Variants in DLG2 observed in about 807,000 individuals in gnomAD.
The protein encoded by DLG2 is disks large homolog 2.
A neutral mutation model predicts 132.5 loss-of-function variants in DLG2; 45 were observed. The observed-to-expected ratio is 0.34, with a 90% CI of 0.27 to 0.44. DLG2 has a LOEUF of 0.44. Among genes scored for constraint, DLG2 ranks in the 20% least tolerant of loss-of-function variants. The probability of loss-of-function intolerance (pLI) is 1.00; values close to 1 mark genes in which losing one functional copy is unlikely to be tolerated. For synonymous variants in DLG2, 424 were observed against 419.6 expected (o/e 1.01, Z -0.13); for missense variants, 1,045 against 1,196.9 (o/e 0.87, Z 1.87).
intron 18 of DLG2, among the ~76,000 whole-genome samples, chr11:83,655,986 G>T (rs2072293813): frequency 6.6e-6 from 1 of 152,234 alleles, no homozygotes; most frequent in Non-Finnish European, 1.5e-5. Context: ...TTCTGCAGGT[G>T]CAACTTGAGC....
At chr11:84,521,876 T>C (rs2099302556) in intron 7 of DLG2, among the ~76,000 whole-genome samples, 1 of 152,148 alleles carries the variant, frequency 6.6e-6, no homozygotes, top group East Asian at 1.9e-4. Flanking sequence ...TTAAATTTCT[T>C]TGGGCTGGGC....
intron 7 of DLG2, among the ~76,000 whole-genome samples, chr11:84,533,361 T>A (rs775052193): frequency 1.3e-5 from 2 of 152,194 alleles, no homozygotes; most frequent in Non-Finnish European, 2.9e-5. Flanking sequence ...TTAAACATAC[T>A]CATTTCCACC....
At position 83,770,255 on chromosome 11, in the gene DLG2, G is replaced by GTTTT. The variant is rs143065797; in HGVS notation, c.1825+16431_1825+16434dup. Among the ~76,000 whole-genome samples, 11 of 109,912 alleles carry GTTTT rather than the reference G, an allele frequency of 1.0e-4. 1 individual carries two copies. The highest frequency in any genetic ancestry group is 4.1e-4 in the African/African-American group (10 of 24,412). 72.1% of individuals were successfully genotyped at this position (109,912 alleles called of 152,430 possible). A position where few individuals can be genotyped will look rare whatever the true frequency, so the allele number is the denominator to read the frequency against. On this transcript the variant is annotated intron_variant, in intron 18 of 27. Transcript: ENST00000376104. ...TACCTTTTGTCTCGTGGTGTCTGGTGTTTTTTTTTGTTTTTTTGCTTTTTG... is the reference window on the plus strand; with the variant it reads ...TACCTTTTGTCTCGTGGTGTCTGGTGTTTTTTTTTTTTTGTTTTTTTGCTTTTTG...
intron 6 of DLG2, among the ~76,000 whole-genome samples, chr11:84,559,184 C>T (rs929060634): frequency 3.9e-5 from 6 of 151,920 alleles, no homozygotes; most frequent in Non-Finnish European, 8.8e-5. Flanking sequence ...ATGTAGAGTA[C>T]CCAACAAAGT....
At chr11:83,750,634 A>C (rs1393376514) in intron 18 of DLG2, among the ~76,000 whole-genome samples, 1 of 152,220 alleles carries the variant, frequency 6.6e-6, no homozygotes, top group African/African-American at 2.4e-5. Context: ...TTATAGATAT[A>C]TGAAATAAAT....
chr11:84,961,220 T>C (rs1381014440), intron 6 of DLG2, among the ~76,000 whole-genome samples: 1 of 151,738 alleles, frequency 6.6e-6, no homozygotes, highest in Non-Finnish European at 1.5e-5. Context: ...AGCATGGGTC[T>C]TTGAACTGAA....
At chr11:84,671,383 G>T (rs1426593992) in intron 6 of DLG2, among the ~76,000 whole-genome samples, 1 of 152,050 alleles carries the variant, frequency 6.6e-6, no homozygotes, top group Non-Finnish European at 1.5e-5. Context: ...AATTACAAGT[G>T]TGAGCCATTG....
chr11:84,409,014 A>C (rs182970560), intron 7 of DLG2, among the ~76,000 whole-genome samples: 3 of 152,176 alleles, frequency 2.0e-5, no homozygotes, highest in Admixed American at 1.3e-4. Flanking sequence ...CCGATGACTC[A>C]CCATTTACAA....
At chr11:84,933,700 C>T (rs1436744518) in intron 6 of DLG2, among the ~76,000 whole-genome samples, 1 of 152,164 alleles carries the variant, frequency 6.6e-6, no homozygotes, top group Non-Finnish European at 1.5e-5. Context: ...GTGATTTTTG[C>T]ACATTCATGT....
chr11:83,810,292 T>C (rs1168119028), intron 17 of DLG2, among the ~76,000 whole-genome samples: 1 of 152,128 alleles, frequency 6.6e-6, no homozygotes, highest in African/African-American at 2.4e-5. Context: ...TATCAAATGC[T>C]GTGTGCAATA....
At chr11:84,282,696 G>C (rs978173718) in intron 7 of DLG2, among the ~76,000 whole-genome samples, 1 of 152,142 alleles carries the variant, frequency 6.6e-6, no homozygotes, top group Non-Finnish European at 1.5e-5. Context: ...CAGCAGGAAG[G>C]GAGGCAGAGG....
chr11:84,979,804 A>T (rs1001669436), intron 6 of DLG2, among the ~76,000 whole-genome samples: 1 of 152,052 alleles, frequency 6.6e-6, no homozygotes, highest in Non-Finnish European at 1.5e-5. Context: ...TTAAAGTATA[A>T]TCATTAACAA....
chr11:83,931,200 T>A (rs1023330126), intron 14 of DLG2, among the ~76,000 whole-genome samples: 1 of 152,236 alleles, frequency 6.6e-6, no homozygotes, highest in South Asian at 2.1e-4. Context: ...ACATAGGAAA[T>A]GTAAAGAATG....
intron 6 of DLG2, among the ~76,000 whole-genome samples, chr11:84,606,268 G>A (rs2099585429): frequency 1.3e-5 from 2 of 152,050 alleles, no homozygotes; most frequent in African/African-American, 4.8e-5. Flanking sequence ...TTAGGGAAGT[G>A]GATAAACCGC....
At chr11:84,884,853 G>T (rs531527353) in intron 6 of DLG2, among the ~76,000 whole-genome samples, 1 of 152,160 alleles carries the variant, frequency 6.6e-6, no homozygotes, top group South Asian at 2.1e-4. Flanking sequence ...TTTACATTGT[G>T]TGCCTTTTGA....
chr11:84,954,010 G>A (rs566918361), intron 6 of DLG2, among the ~76,000 whole-genome samples: 63 of 151,906 alleles, frequency 4.1e-4, no homozygotes, highest in South Asian at 6.2e-4. Context: ...CTCTTTACAC[G>A]TATCCTGTAT....
At chr11:85,091,215 T>C (rs2068718416) in intron 6 of DLG2, among the ~76,000 whole-genome samples, 1 of 152,234 alleles carries the variant, frequency 6.6e-6, no homozygotes, top group Non-Finnish European at 1.5e-5. Flanking sequence ...GTTACATTTA[T>C]ACTACACTGC....
intron 4 of DLG2, among the ~76,000 whole-genome samples, chr11:85,165,936 C>T (rs1255555577): frequency 6.6e-6 from 1 of 152,114 alleles, no homozygotes; most frequent in African/African-American, 2.4e-5. Flanking sequence ...AAATGAAAAG[C>T]CTGTGCAGCT....
At chr11:84,339,693 T>C (rs2098505173) in intron 7 of DLG2, among the ~76,000 whole-genome samples, 1 of 152,176 alleles carries the variant, frequency 6.6e-6, no homozygotes. Context: ...CAGAGCTGAA[T>C]TCTGGAACCT....
Sources: gnomAD v4.1 joint callset for allele counts (sites outside exome capture counted in the v4.1 genomes callset) on GRCh38, gnomAD v4.1.1 for gene constraint, MANE v1.5 for transcripts, NCBI Gene and HGNC (gene_info 2026-07-23, HGNC 2026-07-21) for gene names.